The following TBC1D23 variants were observed in gnomAD, a reference collection of about 807,000 sequenced individuals.
TBC1D23 encodes the protein HCV non-structural protein 4A-transactivated protein 1.
Under a neutral mutation model 91.4 loss-of-function variants are expected in TBC1D23, and 55 were observed. The ratio of observed to expected loss-of-function variants is 0.60; its 90% CI spans 0.48 to 0.75. TBC1D23 has a LOEUF of 0.75. TBC1D23 is among the 30% of genes least tolerant of loss of function. TBC1D23 has a pLI of 0.00. For synonymous variants in TBC1D23, 289 were observed against 281.0 expected (o/e 1.03, Z -0.28); for missense variants, 725 against 836.1 (o/e 0.87, Z 1.64).
intron 10 of TBC1D23, among the ~76,000 whole-genome samples, chr3:100,300,780 G>C (rs1181584090): frequency 6.6e-6 from 1 of 152,074 alleles, no homozygotes; most frequent in Admixed American, 6.5e-5. Context: ...GATTACAGGC[G>C]TGAGTCACCA....
intron 15 of TBC1D23, 46 bp downstream of exon 15, chr3:100,311,923 T>C (rs1448565505): frequency 7.7e-7 from 1 of 1,303,988 alleles, no homozygotes; most frequent in Admixed American, 2.0e-5. Flanking sequence ...CCTTTTCCTT[T>C]AATATGCTTC....
chr3:100,296,136 C>A, intron 7 of TBC1D23, 36 bp from the exon 8 acceptor site: 1 of 1,247,400 alleles, frequency 8.0e-7, no homozygotes. Flanking sequence ...TTGCATTTTT[C>A]ACAAACTACT....
At chr3:100,320,379 C>T (rs943043104) in intron 17 of TBC1D23, among the ~76,000 whole-genome samples, 1 of 152,040 alleles carries the variant, frequency 6.6e-6, no homozygotes, top group Admixed American at 6.5e-5. Flanking sequence ...CAACAATTGC[C>T]TAGTGATCTT....
chr3:100,281,598 A>C (rs1477859298), intron 2 of TBC1D23, 144 bp from the exon 3 acceptor site: 6 of 502,488 alleles, frequency 1.2e-5, no homozygotes, highest in African/African-American at 1.2e-4. Context: ...ACATGACTAA[A>C]TACTCAACAT....
At chr3:100,289,569 G>A (rs139061723) in intron 4 of TBC1D23, among the ~76,000 whole-genome samples, 3 of 152,214 alleles carry the variant, frequency 2.0e-5, no homozygotes, top group Non-Finnish European at 2.9e-5. Flanking sequence ...GTTATCTCTG[G>A]GCTCAGATGC....
At chr3:100,293,144 TA>T (rs2067807304) in intron 5 of TBC1D23, among the ~76,000 whole-genome samples, 1 of 141,928 alleles carries the variant, frequency 7.0e-6, no homozygotes, top group African/African-American at 2.5e-5. Context: ...TTTATTTATT[TA>T]TTTATTTTGT....
At chr3:100,269,549 A>G (rs538515669) in intron 1 of TBC1D23, among the ~76,000 whole-genome samples, 1 of 152,238 alleles carries the variant, frequency 6.6e-6, no homozygotes, top group Admixed American at 6.5e-5. Context: ...GAAAGTTTTG[A>G]TGGTTTGAGG....
At chr3:100,271,762 T>G (rs1468924375) in intron 1 of TBC1D23, among the ~76,000 whole-genome samples, 1 of 152,140 alleles carries the variant, frequency 6.6e-6, no homozygotes, top group African/African-American at 2.4e-5. Context: ...TGTTATATGA[T>G]AGCATCATAG....
intron 13 of TBC1D23, among the ~76,000 whole-genome samples, chr3:100,310,168 A>G (rs1705601624): frequency 6.6e-6 from 1 of 152,102 alleles, no homozygotes. Flanking sequence ...TCTCTCTTAT[A>G]AGGACACCAG....
At chr3:100,296,857 T>C (rs1367642584) in intron 8 of TBC1D23, among the ~76,000 whole-genome samples, 1 of 126,558 alleles carries the variant, frequency 7.9e-6, no homozygotes, top group African/African-American at 2.8e-5. Context: ...GAAGACTCTG[T>C]CTCAAAAAAA....
intron 10 of TBC1D23, among the ~76,000 whole-genome samples, chr3:100,300,408 G>C (rs1705401585): frequency 6.6e-6 from 1 of 151,916 alleles, no homozygotes; most frequent in Non-Finnish European, 1.5e-5. Flanking sequence ...TCCATATTCT[G>C]TAGGTGAACT....
intron 2 of TBC1D23, among the ~76,000 whole-genome samples, chr3:100,280,234 A>G (rs1249805073): frequency 6.6e-6 from 1 of 152,204 alleles, no homozygotes; most frequent in Non-Finnish European, 1.5e-5. Context: ...ATCTCAAAAA[A>G]AAAACAAAAA....
intron 1 of TBC1D23, among the ~76,000 whole-genome samples, chr3:100,278,824 C>T (rs1034183686): frequency 6.6e-6 from 1 of 152,180 alleles, no homozygotes; most frequent in Non-Finnish European, 1.5e-5. Context: ...CTGAACAAAA[C>T]TGCTTGGTAA....
chr3:100,304,341 A>C (rs528430853), intron 11 of TBC1D23, among the ~76,000 whole-genome samples: 1 of 152,130 alleles, frequency 6.6e-6, no homozygotes, highest in Non-Finnish European at 1.5e-5. Context: ...TTTAGATGAT[A>C]AATACTATTT....
chr3:100,308,661 A>G (rs1476235095), intron 13 of TBC1D23, among the ~76,000 whole-genome samples: 1 of 152,234 alleles, frequency 6.6e-6, no homozygotes, highest in African/African-American at 2.4e-5. Flanking sequence ...AGTAGTGATC[A>G]TAGCATACCT....
intron 11 of TBC1D23, 121 bp from the exon 12 acceptor site, chr3:100,304,725 A>G (rs1705488366): frequency 1.6e-6 from 1 of 641,442 alleles, no homozygotes; most frequent in Non-Finnish European, 2.8e-6. Context: ...TGTCAAGGAA[A>G]TGAGAAAGCC....
At position 100,323,662 on chromosome 3, in the gene TBC1D23, A is replaced by G. The variant is rs1169912855; in HGVS notation, c.2094A>G (p.Glu698=). The change falls in exon 19 of 19, where the codon GAA becomes GAG. Residue 698 remains glutamate (E), a synonymous_variant. Coordinates refer to ENST00000394144, the MANE Select transcript of TBC1D23 (RefSeq NM_001199198.3). ...TCATGAAAGTTTTGGATGCTTTGGA[A>G]AGTTAATATAAAAGAAAATTATATA... The part of the protein sequence containing the change: ...QQIMKVLDAL[E]S The G allele has an allele frequency of 6.7e-7, 1 of 1,498,354 alleles. No individual in the cohort carries two copies. The highest frequency in any genetic ancestry group is 9.0e-7 in the Non-Finnish European group (1 of 1,117,148). The allele number at this position is 1,498,354 out of a possible 1,614,324, so 92.8% of individuals were successfully genotyped here.
chr3:100,286,893 G>A (rs907100962), intron 4 of TBC1D23, among the ~76,000 whole-genome samples: 2 of 151,892 alleles, frequency 1.3e-5, no homozygotes, highest in African/African-American at 4.8e-5. Flanking sequence ...TTGGCTCAGT[G>A]CAACCTCCGC....
intron 4 of TBC1D23, among the ~76,000 whole-genome samples, chr3:100,289,196 C>T (rs1323194660): frequency 6.6e-6 from 1 of 152,050 alleles, no homozygotes; most frequent in Non-Finnish European, 1.5e-5. Flanking sequence ...ACCTGAGTGA[C>T]AGAGCTAGAC....
Sources: gnomAD v4.1 joint callset for allele counts (sites outside exome capture counted in the v4.1 genomes callset) on GRCh38, gnomAD v4.1.1 for gene constraint, MANE v1.5 for transcripts, NCBI Gene and HGNC (gene_info 2026-07-23, HGNC 2026-07-21) for gene names.